The following ATP7B variants were observed in gnomAD, a reference collection of about 807,000 sequenced individuals.
ATP7B encodes the protein copper-transporting ATPase 2.
A neutral mutation model predicts 118.9 loss-of-function variants in ATP7B; 113 were observed. That is an observed-to-expected ratio of 0.95 (90% confidence interval 0.82 to 1.11). ATP7B has a LOEUF of 1.11. ATP7B is among the 50% of genes most tolerant of loss of function. ATP7B has a pLI of 0.00. For synonymous variants in ATP7B, 777 were observed against 727.4 expected (o/e 1.07, Z -1.10); for missense variants, 1,867 against 1,871.4 (o/e 1.00, Z 0.04).
At chr13:51,945,444 T>TC (rs1231237390) in intron 13 of ATP7B, among the ~76,000 whole-genome samples, 1 of 152,098 alleles carries the variant, frequency 6.6e-6, no homozygotes, top group Non-Finnish European at 1.5e-5. Flanking sequence ...CCACCTTCTG[T>TC]CCCCATTTTG....
chr13:51,942,487 C>G lies in ATP7B; in HGVS notation c.3311G>C (p.Cys1104Ser). ...GATGCCTTCCACGTTGCTGACTTTGCACCCAATTCCACAGCCTGGCACTGC... is the reference window on the plus strand; with the variant it reads ...GATGCCTTCCACGTTGCTGACTTTGGACCCAATTCCACAGCCTGGCACTGC... ...FQAVPGCGIGCKVSNVEGILA... is the reference protein window; with the variant it reads ...FQAVPGCGIGSKVSNVEGILA... Residue 1104 changes from cysteine (C) to serine (S), a missense_variant, in exon 15 of 21, where the codon TGC becomes TCC. Transcript: ENST00000242839. 1 of 1,614,218 alleles carries G rather than the reference C, an allele frequency of 6.2e-7. No homozygotes were observed.
chr13:51,968,121 C>T (rs1321602198), intron 4 of ATP7B, among the ~76,000 whole-genome samples: 1 of 152,150 alleles, frequency 6.6e-6, no homozygotes, highest in African/African-American at 2.4e-5. Flanking sequence ...TCATGTTCAA[C>T]TCCCCCTAAC....
At chr13:51,942,092 T>A (rs1957366340) in intron 15 of ATP7B, among the ~76,000 whole-genome samples, 1 of 152,232 alleles carries the variant, frequency 6.6e-6, no homozygotes, top group Non-Finnish European at 1.5e-5. Flanking sequence ...AATTCCCGTC[T>A]GTCTACTCTG....
chr13:51,944,298 A>G lies in ATP7B; in HGVS notation c.3061-7T>C. The G allele has an allele frequency of 6.2e-7, 1 of 1,613,752 alleles. No individual in the cohort carries two copies. Among genetic ancestry groups the G allele is most frequent in the Non-Finnish European group, 8.5e-7 (1 of 1,179,998 alleles). On this transcript the variant is annotated splice_region_variant and splice_polypyrimidine_tract_variant and intron_variant, in intron 13 of 20. Transcript: ENST00000242839. Reference sequence around the variant, plus strand: ...CAAACATCACAGTCTTTATCTGCCAAAAACAACCACAACTCACTGACCACA... The same window carrying G: ...CAAACATCACAGTCTTTATCTGCCAGAAACAACCACAACTCACTGACCACA...
intron 1 of ATP7B, among the ~76,000 whole-genome samples, chr13:51,990,318 T>C (rs1418150591): frequency 6.6e-6 from 1 of 152,182 alleles, no homozygotes; most frequent in Non-Finnish European, 1.5e-5. Context: ...ATATTAATGT[T>C]CATTGCTACA....
chr13:51,997,337 A>G (rs1305102506), intron 1 of ATP7B, among the ~76,000 whole-genome samples: 1 of 152,244 alleles, frequency 6.6e-6, no homozygotes, highest in Non-Finnish European at 1.5e-5. Flanking sequence ...GTTATTGAAC[A>G]TATTTTAACT....
At position 51,974,786 on chromosome 13, in the gene ATP7B, A is replaced by C; in HGVS notation, c.434T>G (p.Val145Gly). Reference sequence around the variant, plus strand: ...GGTCATGCCCTCCACCCGGAGCTTGACCACAGCCTCCTGGGCAGGCAAGGA... The same window carrying C: ...GGTCATGCCCTCCACCCGGAGCTTGCCCACAGCCTCCTGGGCAGGCAAGGA... ...SRSLPAQEAVVKLRVEGMTCQ... is the reference protein window; with the variant it reads ...SRSLPAQEAVGKLRVEGMTCQ... Residue 145 changes from valine (V) to glycine (G), a missense_variant, in exon 2 of 21, where the codon GTC (valine) becomes GGC (glycine). Physicochemically the swap from Val to Gly is moderately radical, Grantham distance 109. Coordinates refer to ENST00000242839, the MANE Select transcript of ATP7B (RefSeq NM_000053.4). 3 of 1,614,062 alleles carry C rather than the reference A, an allele frequency of 1.9e-6. No homozygotes were observed. Among genetic ancestry groups the C allele is most frequent in the Non-Finnish European group, 2.5e-6 (3 of 1,179,988 alleles).
intron 19 of ATP7B, among the ~76,000 whole-genome samples, 182 bp from the exon 20 acceptor site, chr13:51,935,877 C>T (rs914236598): frequency 3.3e-5 from 5 of 152,214 alleles, no homozygotes; most frequent in African/African-American, 1.2e-4. Context: ...TCCTAGAAAG[C>T]TGGGTGTGGG....
At chr13:51,943,190 G>GT (rs1351536189) in intron 14 of ATP7B, among the ~76,000 whole-genome samples, 1 of 152,192 alleles carries the variant, frequency 6.6e-6, no homozygotes, top group Non-Finnish European at 1.5e-5. Context: ...GCAAATGGCT[G>GT]TGACACCGAC....
intron 4 of ATP7B, chr13:51,966,690 C>G: frequency 7.0e-7 from 1 of 1,422,432 alleles, no homozygotes; most frequent in Non-Finnish European, 9.7e-7. Context: ...ACACAGCATG[C>G]TGCCATGCCG....
At chr13:51,938,082 G>A (rs1043363461) in intron 17 of ATP7B, among the ~76,000 whole-genome samples, 26 of 152,130 alleles carry the variant, frequency 1.7e-4, no homozygotes, top group Admixed American at 1.6e-3. Flanking sequence ...GTCTGCTTCC[G>A]AGGGTCCCAG....
chr13:51,941,037 C>A, intron 16 of ATP7B, 44 bp downstream of exon 16: 1 of 1,613,000 alleles, frequency 6.2e-7, no homozygotes. Context: ...CTGCAGAAAA[C>A]TGTATTTCTG....
chr13:51,964,548 T>C (rs1958963084), intron 5 of ATP7B, among the ~76,000 whole-genome samples: 1 of 152,226 alleles, frequency 6.6e-6, no homozygotes. Flanking sequence ...AAGATCACAC[T>C]TAAAAATTAC....
At chr13:51,956,719 AG>A (rs1190091160) in intron 9 of ATP7B, among the ~76,000 whole-genome samples, 2 of 152,214 alleles carry the variant, frequency 1.3e-5, no homozygotes, top group Non-Finnish European at 2.9e-5. Context: ...AGGAATATGA[AG>A]GAGGGCTGAA....
intron 9 of ATP7B, among the ~76,000 whole-genome samples, chr13:51,953,297 G>A (rs1480044436): frequency 1.3e-5 from 2 of 152,180 alleles, no homozygotes; most frequent in Non-Finnish European, 2.9e-5. Context: ...CCCAAGTCGG[G>A]AGGAGGAGCT....
chr13:51,939,668 T>C (rs984311446), intron 16 of ATP7B, among the ~76,000 whole-genome samples: 1 of 152,194 alleles, frequency 6.6e-6, no homozygotes, highest in East Asian at 1.9e-4. Context: ...ATCTTAGCTA[T>C]AGAAGCAGGA....
chr13:51,949,601 G>T (rs1014501628), intron 12 of ATP7B, 61 bp downstream of exon 12: 3 of 1,589,022 alleles, frequency 1.9e-6, no homozygotes, highest in Admixed American at 3.3e-5. Flanking sequence ...GAAAGAACAG[G>T]ATCAATGTCA....
intron 1 of ATP7B, among the ~76,000 whole-genome samples, chr13:51,983,435 C>T (rs1390595924): frequency 1.3e-5 from 2 of 152,240 alleles, no homozygotes; most frequent in South Asian, 2.1e-4. Flanking sequence ...ATAGATGAAG[C>T]CATCTCCCTG....
At chr13:51,939,278 T>C (rs2138678829) in intron 16 of ATP7B, 85 bp from the exon 17 acceptor site, 3 of 1,580,046 alleles carry the variant, frequency 1.9e-6, no homozygotes, top group African/African-American at 1.3e-5. Flanking sequence ...TCTCATCATA[T>C]AATATTATGT....
Sources: gnomAD v4.1 joint callset for allele counts (sites outside exome capture counted in the v4.1 genomes callset) on GRCh38, gnomAD v4.1.1 for gene constraint, MANE v1.5 for transcripts, NCBI Gene and HGNC (gene_info 2026-07-23, HGNC 2026-07-21) for gene names.